The following OR4N2 variants were observed in gnomAD, a reference collection of about 807,000 sequenced individuals.
The protein encoded by OR4N2 is olfactory receptor 4N2.
For synonymous variants in OR4N2, 141 were observed against 140.4 expected, an observed-to-expected ratio of 1.00 and a Z score of -0.03; for missense variants, 307 against 377.6, an observed-to-expected ratio of 0.81 and a Z score of 1.55.
chr14:19,809,358 G>A (rs1025671054), intron 1 of OR4N2, among the ~76,000 whole-genome samples: 11 of 152,090 alleles, frequency 7.2e-5, no homozygotes, highest in African/African-American at 1.7e-4. Flanking sequence ...TTGACAAGTC[G>A]GGCCTAATTA....
chr14:19,824,005 C>G (rs1318093083), intron 1 of OR4N2, among the ~76,000 whole-genome samples: 4 of 152,204 alleles, frequency 2.6e-5, no homozygotes, highest in Non-Finnish European at 4.4e-5. Flanking sequence ...GAACCCTTCT[C>G]CTTCATCTTC....
intron 1 of OR4N2, among the ~76,000 whole-genome samples, chr14:19,816,112 T>A (rs1879420724): frequency 6.6e-6 from 1 of 152,260 alleles, no homozygotes; most frequent in Non-Finnish European, 1.5e-5. Context: ...CCTTGTAGTA[T>A]AGTGTGAAGT....
chr14:19,828,416 T>G lies in OR4N2; in HGVS notation c.*44T>G, dbSNP rs768198431. On this transcript the variant is annotated 3_prime_UTR_variant, in exon 2 of 2. Coordinates refer to ENST00000557677, the MANE Select transcript of OR4N2 (RefSeq NM_001004723.3). ...AAAGAATAAAAATAGACTGTAGAAT[T>G]TTATCTGAAATTGATTTGTTTATTT... The G allele has an allele frequency of 1.5e-5, 22 of 1,484,030 alleles. No individual in the cohort carries two copies. In the South Asian group the frequency reaches 2.7e-4, roughly 18 times the overall value. 91.9% of individuals were successfully genotyped at this position (1,484,030 alleles called of 1,614,324 possible).
intron 1 of OR4N2, among the ~76,000 whole-genome samples, chr14:19,819,906 T>C (rs1879521079): frequency 6.6e-6 from 1 of 152,296 alleles, no homozygotes; most frequent in Admixed American, 6.5e-5. Context: ...ATGCTATTTC[T>C]TTCTGTTTGT....
At chr14:19,818,205 G>T (rs1475413871) in intron 1 of OR4N2, among the ~76,000 whole-genome samples, 1 of 152,204 alleles carries the variant, frequency 6.6e-6, no homozygotes, top group East Asian at 1.9e-4. Flanking sequence ...TATTAGGTCT[G>T]CTTGGTCCAG....
At chr14:19,812,302 C>CTT (rs202011658) in intron 1 of OR4N2, among the ~76,000 whole-genome samples, 14 of 132,196 alleles carry the variant, frequency 1.1e-4, no homozygotes, top group Admixed American at 6.2e-4. Context: ...TTTGACTTTT[C>CTT]TTTTTTTTTT....
intron 1 of OR4N2, among the ~76,000 whole-genome samples, chr14:19,827,185 A>G (rs1441414542): frequency 2.0e-5 from 3 of 152,284 alleles, no homozygotes; most frequent in African/African-American, 7.2e-5. Flanking sequence ...GACCCCTAAC[A>G]TGGAAAATGA....
chr14:19,826,171 C>A (rs1179859828), intron 1 of OR4N2, among the ~76,000 whole-genome samples: 1 of 152,224 alleles, frequency 6.6e-6, no homozygotes, highest in African/African-American at 2.4e-5. Context: ...TTCTATACTT[C>A]AGTGGATTAT....
rs1566467718 is a variant in OR4N2, at chr14:19,823,526, G to T, written c.-9-3914G>T. 5.3e-5 allele frequency among the ~76,000 whole-genome samples: 8 copies of T among 152,320 alleles called. No homozygotes were observed. In the South Asian group the frequency reaches 1.7e-3, roughly 32 times the overall value. ...TCTCACTCTTGTTGGGAAAGAAAATGACAATAAGATTTTCTGGTTTTTGTT... is the reference window on the plus strand; with the variant it reads ...TCTCACTCTTGTTGGGAAAGAAAATTACAATAAGATTTTCTGGTTTTTGTT... On this transcript the variant is annotated intron_variant, in intron 1 of 1. Coordinates refer to ENST00000557677, the MANE Select transcript of OR4N2 (RefSeq NM_001004723.3).
chr14:19,827,860 C>G lies in OR4N2; in HGVS notation c.412C>G (p.Pro138Ala), dbSNP rs759869679. 14 of 1,614,134 alleles carry G rather than the reference C, an allele frequency of 8.7e-6. No individual in the cohort carries two copies. The Admixed American group carries it at 1.8e-4, about 21-fold the overall frequency. ...RPLHYPTVMN[P>A]RTCYAMMLAL... Reference sequence around the variant, plus strand: ...TCTGCACTATCCTACTGTCATGAACCCTAGAACCTGCTATGCAATGATGTT... The same window carrying G: ...TCTGCACTATCCTACTGTCATGAACGCTAGAACCTGCTATGCAATGATGTT... The change falls in exon 2 of 2, where the codon CCT becomes GCT. Residue 138 changes from proline to alanine, a missense_variant. Physicochemically the swap from Pro to Ala is conservative, Grantham distance 27. Transcript: ENST00000557677.
chr14:19,825,092 T>C (rs777855793), intron 1 of OR4N2, among the ~76,000 whole-genome samples: 21 of 152,276 alleles, frequency 1.4e-4, no homozygotes, highest in African/African-American at 4.1e-4. Flanking sequence ...AAAAGCTCAT[T>C]TGAAGGAACT....
intron 1 of OR4N2, among the ~76,000 whole-genome samples, chr14:19,807,334 CT>C (rs1879189775): frequency 3.3e-5 from 5 of 151,984 alleles, no homozygotes; most frequent in Admixed American, 3.3e-4. Context: ...TGGTAGATTG[CT>C]AGCTAGATTA....
intron 1 of OR4N2, among the ~76,000 whole-genome samples, chr14:19,810,620 C>A (rs1879272555): frequency 6.6e-6 from 1 of 152,270 alleles, no homozygotes; most frequent in East Asian, 1.9e-4. Flanking sequence ...TACATAGACA[C>A]AATGGAATAC....
At chr14:19,820,977 T>TG (rs1400732902) in intron 1 of OR4N2, among the ~76,000 whole-genome samples, 1 of 152,126 alleles carries the variant, frequency 6.6e-6, no homozygotes, top group Admixed American at 6.5e-5. Context: ...CACTGGGGTA[T>TG]GAAAAAAAAC....
intron 1 of OR4N2, among the ~76,000 whole-genome samples, chr14:19,805,771 G>A (rs1350311321): frequency 3.9e-5 from 6 of 152,102 alleles, no homozygotes; most frequent in Admixed American, 6.5e-5. Flanking sequence ...GATGTACAAG[G>A]CACATAATCT....
intron 1 of OR4N2, among the ~76,000 whole-genome samples, chr14:19,824,974 C>T (rs554654243): frequency 2.0e-5 from 3 of 152,202 alleles, no homozygotes; most frequent in Admixed American, 6.5e-5. Context: ...GTTCAAGCGT[C>T]GACTGTAGAA....
intron 1 of OR4N2, among the ~76,000 whole-genome samples, chr14:19,806,288 A>G (rs1422305869): frequency 6.6e-6 from 1 of 152,186 alleles, no homozygotes; most frequent in African/African-American, 2.4e-5. Flanking sequence ...GGTAAGTTGG[A>G]TAAAAAGGCA....
chr14:19,810,391 G>A (rs1879266994), intron 1 of OR4N2, among the ~76,000 whole-genome samples: 2 of 152,336 alleles, frequency 1.3e-5, no homozygotes, highest in African/African-American at 4.8e-5. Context: ...CTGCTGGTGG[G>A]AATGTAAATT....
In OR4N2 at chr14:19,828,678, T is replaced by G. The variant is rs377125156; in HGVS notation, c.*306T>G. 2.1e-4 allele frequency: 56 copies of G among 271,450 alleles called. No individual in the cohort carries two copies. In the South Asian group the frequency reaches 2.4e-3, roughly 12 times the overall value. The allele number at this position is 271,450 out of a possible 1,614,324, so 16.8% of individuals were successfully genotyped here. ...TGACTCTGGATTGGGAGTAACCAAT[T>G]TGTGTTTAATAATCAAAAAAGACCT... is the stretch of plus-strand genomic sequence containing the variant. On this transcript the variant is annotated 3_prime_UTR_variant, in exon 2 of 2. Transcript: ENST00000557677.
Sources: allele counts gnomAD v4.1 joint callset (sites outside exome capture counted in the v4.1 genomes callset), GRCh38; gene constraint gnomAD v4.1.1; transcripts MANE v1.5; gene names NCBI Gene and HGNC (gene_info 2026-07-23, HGNC 2026-07-21).